The following APP variants were observed in gnomAD, a reference collection of about 807,000 sequenced individuals.
APP encodes the protein amyloid-beta precursor protein.
In APP, 31 loss-of-function variants were observed where a neutral mutation model predicts 101.4. The ratio of observed to expected loss-of-function variants is 0.31; its 90% CI spans 0.23 to 0.41. APP has a LOEUF of 0.41. Ranked by LOEUF, APP falls within the 10% of genes least tolerant of loss-of-function variation. The pLI is 1.00. For synonymous variants in APP, 366 were observed against 364.4 expected (o/e 1.00, Z -0.05); for missense variants, 839 against 1,003.7 (o/e 0.84, Z 2.22).
At chr21:26,102,150 G>A (rs982879377) in intron 2 of APP, among the ~76,000 whole-genome samples, 10 of 140,548 alleles carry the variant, frequency 7.1e-5, no homozygotes, top group East Asian at 2.2e-4. Flanking sequence ...GTGCAGCGGC[G>A]CGATCTCGGC....
chr21:25,938,355 A>G (rs1241905783), intron 13 of APP, among the ~76,000 whole-genome samples: 2 of 152,156 alleles, frequency 1.3e-5, no homozygotes, highest in Admixed American at 6.5e-5. Context: ...GGATCTCTGC[A>G]ATCCAGTAGT....
At chr21:26,019,634 C>T (rs946088715) in intron 6 of APP, among the ~76,000 whole-genome samples, 3 of 152,138 alleles carry the variant, frequency 2.0e-5, no homozygotes, top group Non-Finnish European at 2.9e-5. Context: ...TTGTACCAAG[C>T]AGGTGCTCAA....
intron 1 of APP, among the ~76,000 whole-genome samples, chr21:26,155,725 G>A (rs1268262698): frequency 2.6e-5 from 4 of 152,190 alleles, no homozygotes; most frequent in Non-Finnish European, 4.4e-5. Flanking sequence ...GCTGGGCGCG[G>A]TGGCTCATGC....
chr21:26,144,170 C>G (rs535362207), intron 1 of APP, among the ~76,000 whole-genome samples: 2 of 152,160 alleles, frequency 1.3e-5, no homozygotes, highest in Non-Finnish European at 2.9e-5. Context: ...ATTACCAGAA[C>G]AGGATGGGGG....
chr21:25,939,633 T>C (rs1331182279), intron 13 of APP, among the ~76,000 whole-genome samples: 2 of 152,236 alleles, frequency 1.3e-5, no homozygotes, highest in African/African-American at 4.8e-5. Context: ...TAGCCTGCAC[T>C]GATTCCTCTT....
chr21:25,990,179 T>C (rs1279957575), intron 8 of APP, among the ~76,000 whole-genome samples: 1 of 152,204 alleles, frequency 6.6e-6, no homozygotes, highest in African/African-American at 2.4e-5. Context: ...GCAATCATAG[T>C]TGGTGGAGAA....
At chr21:26,106,258 C>T (rs919618469) in intron 2 of APP, among the ~76,000 whole-genome samples, 8 of 152,098 alleles carry the variant, frequency 5.3e-5, no homozygotes, top group Non-Finnish European at 1.2e-4. Flanking sequence ...CAGTACTGAC[C>T]CTCGGTTCCA....
At chr21:26,030,497 T>C (rs2830019) in intron 5 of APP, among the ~76,000 whole-genome samples, 15,730 of 152,222 alleles carry the variant, frequency 0.1, 1,270 homozygotes, top group East Asian at 0.29. Context: ...TAAAATATCT[T>C]GGCATCATAA....
At chr21:26,064,674 T>A (rs1057127138) in intron 3 of APP, among the ~76,000 whole-genome samples, 2 of 151,888 alleles carry the variant, frequency 1.3e-5, no homozygotes, top group Non-Finnish European at 2.9e-5. Context: ...TTTAACACCC[T>A]CCCCCTAACA....
At chr21:25,885,777 C>T (rs1322291925) in intron 17 of APP, among the ~76,000 whole-genome samples, 1 of 152,170 alleles carries the variant, frequency 6.6e-6, no homozygotes, top group Non-Finnish European at 1.5e-5. Context: ...GGCTAACCTC[C>T]ATACCCCCTG....
chr21:26,156,837 C>G (rs1192499941), intron 1 of APP, among the ~76,000 whole-genome samples: 1 of 146,810 alleles, frequency 6.8e-6, no homozygotes, highest in South Asian at 2.3e-4. Flanking sequence ...AATTTTCAAA[C>G]TTAACTATAT....
intron 2 of APP, among the ~76,000 whole-genome samples, chr21:26,091,629 C>T (rs558510990): frequency 6.6e-6 from 1 of 152,138 alleles, no homozygotes; most frequent in Non-Finnish European, 1.5e-5. Flanking sequence ...GAATGGTGAA[C>T]ATCGATGAGG....
At chr21:26,048,060 T>C (rs960401192) in intron 5 of APP, among the ~76,000 whole-genome samples, 2 of 152,124 alleles carry the variant, frequency 1.3e-5, no homozygotes, top group African/African-American at 4.8e-5. Context: ...CTCAAGCCTG[T>C]AATCCCAGCA....
chr21:26,113,650 T>C (rs2062375464), intron 1 of APP, among the ~76,000 whole-genome samples: 1 of 152,182 alleles, frequency 6.6e-6, no homozygotes, highest in Admixed American at 6.5e-5. Context: ...CAGAAATAGC[T>C]AGAACCCCTC....
At chr21:25,914,869 A>G (rs1242978286) in intron 13 of APP, among the ~76,000 whole-genome samples, 14 of 152,190 alleles carry the variant, frequency 9.2e-5, no homozygotes, top group Admixed American at 7.8e-4. Flanking sequence ...TGGGCTTCTC[A>G]GCCTCCAGAA....
At chr21:26,095,299 G>A (rs369290893) in intron 2 of APP, among the ~76,000 whole-genome samples, 11 of 152,262 alleles carry the variant, frequency 7.2e-5, no homozygotes, top group South Asian at 2.1e-4. Flanking sequence ...TTTAAATTGC[G>A]CACCATTCTG....
chr21:26,022,045 G>A lies in APP; in HGVS notation c.663-3C>T. On this transcript the variant is annotated splice_region_variant and splice_polypyrimidine_tract_variant and intron_variant, in intron 5 of 17. Transcript: ENST00000346798. ...CTACTTCTACTACTTTGTCTTCACT[G>A]TGAAGGCAAACACAAATAACAGAAA... The A allele has an allele frequency of 1.2e-6, 2 of 1,613,778 alleles. No homozygotes were observed. The highest frequency in any genetic ancestry group is 1.7e-6 in the Non-Finnish European group (2 of 1,179,784).
At chr21:25,945,884 G>A (rs530394734) in intron 13 of APP, 1 of 455,470 alleles carries the variant, frequency 2.2e-6, no homozygotes, top group African/African-American at 2.0e-5. Context: ...GTCTTGCCAT[G>A]TTTCCCATTC....
At chr21:25,916,984 C>T (rs2039380836) in intron 13 of APP, among the ~76,000 whole-genome samples, 1 of 152,158 alleles carries the variant, frequency 6.6e-6, no homozygotes, top group Non-Finnish European at 1.5e-5. Flanking sequence ...TTCGAGGTGG[C>T]CAGGCGTGGT....
Sources: gnomAD v4.1 joint callset for allele counts (sites outside exome capture counted in the v4.1 genomes callset) on GRCh38, gnomAD v4.1.1 for gene constraint, MANE v1.5 for transcripts, NCBI Gene and HGNC (gene_info 2026-07-23, HGNC 2026-07-21) for gene names.